The following ROBO1 variants were observed in gnomAD, a reference collection of about 807,000 sequenced individuals.
ROBO1 encodes roundabout guidance receptor 1, also known as roundabout homolog 1.
In ROBO1, 149 loss-of-function variants were observed where a neutral mutation model predicts 195.9. The ratio of observed to expected loss-of-function variants is 0.76; its 90% CI spans 0.67 to 0.87. The LOEUF (loss-of-function observed/expected upper bound fraction) is 0.87, where lower values mean the gene tolerates loss of function less well. Among genes scored for constraint, ROBO1 ranks in the 40% least tolerant of loss-of-function variants. The probability of loss-of-function intolerance (pLI) is 0.00; values close to 1 mark genes in which losing one functional copy is unlikely to be tolerated. For synonymous variants in ROBO1, 816 were observed against 733.2 expected (o/e 1.11, Z -1.82); for missense variants, 1,933 against 2,068.3 (o/e 0.93, Z 1.27).
intron 3 of ROBO1, among the ~76,000 whole-genome samples, chr3:79,118,874 A>C (rs2080062541): frequency 6.6e-6 from 1 of 152,076 alleles, no homozygotes; most frequent in Admixed American, 6.6e-5. Context: ...AAAAAAAAAA[A>C]AAAAAAATTT....
intron 2 of ROBO1, among the ~76,000 whole-genome samples, chr3:79,459,011 G>A (rs372165380): frequency 3.3e-5 from 5 of 152,022 alleles, no homozygotes; most frequent in Non-Finnish European, 5.9e-5. Context: ...CTATAAAACT[G>A]TATCCAACTT....
chr3:78,718,528 T>C (rs1470347944), intron 5 of ROBO1, among the ~76,000 whole-genome samples: 1 of 152,022 alleles, frequency 6.6e-6, no homozygotes, highest in Non-Finnish European at 1.5e-5. Context: ...TTGGGTACAC[T>C]CTTGAACATA....
intron 3 of ROBO1, among the ~76,000 whole-genome samples, chr3:78,952,714 C>G (rs558362932): frequency 4.1e-4 from 63 of 152,078 alleles, no homozygotes; most frequent in African/African-American, 1.5e-3. Flanking sequence ...AAGCTAAGTA[C>G]TTTCACCCAA....
intron 2 of ROBO1, among the ~76,000 whole-genome samples, chr3:79,286,081 T>C (rs2031866524): frequency 1.3e-5 from 2 of 152,170 alleles, no homozygotes; most frequent in Non-Finnish European, 2.9e-5. Context: ...TCCCAAAATA[T>C]AAGCAAGGCA....
At chr3:79,665,134 T>A (rs190143613) in intron 1 of ROBO1, among the ~76,000 whole-genome samples, 2 of 152,054 alleles carry the variant, frequency 1.3e-5, no homozygotes, top group East Asian at 3.9e-4. Flanking sequence ...GTTTAAAGTA[T>A]AATTATAATA....
intron 2 of ROBO1, among the ~76,000 whole-genome samples, chr3:79,589,204 C>T (rs73120813): frequency 6.6e-6 from 1 of 151,498 alleles, no homozygotes; most frequent in Non-Finnish European, 1.5e-5. Context: ...TTTTCTGCTA[C>T]CATACATTGG....
intron 1 of ROBO1, among the ~76,000 whole-genome samples, chr3:79,684,088 T>G (rs1357931113): frequency 6.6e-6 from 1 of 152,110 alleles, no homozygotes; most frequent in Non-Finnish European, 1.5e-5. Flanking sequence ...GACTCCAGTT[T>G]CTTCAGATCT....
intron 11 of ROBO1, among the ~76,000 whole-genome samples, chr3:78,669,259 T>C (rs548172557): frequency 6.6e-6 from 1 of 152,168 alleles, no homozygotes; most frequent in Non-Finnish European, 1.5e-5. Flanking sequence ...CAAGTAACAT[T>C]TGATAAAGAA....
intron 2 of ROBO1, among the ~76,000 whole-genome samples, chr3:79,285,466 A>G (rs868420804): frequency 2.8e-4 from 42 of 152,352 alleles, no homozygotes; most frequent in African/African-American, 9.6e-4. Context: ...TACACTACTC[A>G]ATCTGTGCCT....
At chr3:79,594,368 C>T (rs924450873) in intron 1 of ROBO1, among the ~76,000 whole-genome samples, 1 of 151,808 alleles carries the variant, frequency 6.6e-6, no homozygotes, top group African/African-American at 2.4e-5. Flanking sequence ...ACATAAAGTG[C>T]CTATTTTTAA....
chr3:79,088,549 A>G (rs946111504), intron 3 of ROBO1, among the ~76,000 whole-genome samples: 4 of 152,172 alleles, frequency 2.6e-5, no homozygotes, highest in African/African-American at 9.6e-5. Flanking sequence ...AGCACATTGT[A>G]AAGAGAGTAA....
intron 3 of ROBO1, among the ~76,000 whole-genome samples, chr3:78,940,330 G>C (rs555661363): frequency 6.6e-6 from 1 of 152,272 alleles, no homozygotes; most frequent in African/African-American, 2.4e-5. Flanking sequence ...TTTCACTTCA[G>C]TGTAGCCAGA....
At chr3:79,567,907 A>C (rs1205150350) in intron 2 of ROBO1, among the ~76,000 whole-genome samples, 1 of 152,158 alleles carries the variant, frequency 6.6e-6, no homozygotes, top group Non-Finnish European at 1.5e-5. Context: ...CAAATTAAGA[A>C]ATTGATCAAA....
chr3:79,213,816 C>CTTTTTTTTTTTTTTTTTTTTTTTT (rs59942369), intron 2 of ROBO1, among the ~76,000 whole-genome samples: 1 of 74,590 alleles, frequency 1.3e-5, no homozygotes, highest in Non-Finnish European at 2.7e-5. Flanking sequence ...TCTCCCCTTT[C>CTTTTTTTTTTTTTTTTTTTTTTTT]TTTTTTTTTT....
At chr3:79,298,115 TA>T (rs767260516) in intron 2 of ROBO1, among the ~76,000 whole-genome samples, 63 of 151,528 alleles carry the variant, frequency 4.2e-4, no homozygotes, top group East Asian at 1.2e-3. Context: ...GATATGGATT[TA>T]AAAAAAAATA....
intron 2 of ROBO1, among the ~76,000 whole-genome samples, chr3:79,502,644 G>C (rs531853507): frequency 2.0e-5 from 3 of 152,118 alleles, no homozygotes; most frequent in Non-Finnish European, 2.9e-5. Context: ...TCCACCTGCC[G>C]CCCCATGCGA....
At chr3:79,311,554 C>A (rs111469364) in intron 2 of ROBO1, among the ~76,000 whole-genome samples, 80 of 152,182 alleles carry the variant, frequency 5.3e-4, no homozygotes, top group Non-Finnish European at 9.9e-4. Flanking sequence ...GTTAATCATG[C>A]AGGTAAGAAG....
At chr3:79,104,872 G>C (rs536227481) in intron 3 of ROBO1, among the ~76,000 whole-genome samples, 11 of 151,908 alleles carry the variant, frequency 7.2e-5, no homozygotes, top group Middle Eastern at 6.8e-3. Flanking sequence ...TAATGTAACA[G>C]AAAAGAGAGC....
chr3:78,945,461 G>C (rs539912818), intron 3 of ROBO1, among the ~76,000 whole-genome samples: 1 of 152,262 alleles, frequency 6.6e-6, no homozygotes, highest in East Asian at 1.9e-4. Flanking sequence ...TGAGGGTCCT[G>C]TCTGTTAGAA....
Sources: gnomAD v4.1 joint callset for allele counts (sites outside exome capture counted in the v4.1 genomes callset) on GRCh38, gnomAD v4.1.1 for gene constraint, MANE v1.5 for transcripts, NCBI Gene and HGNC (gene_info 2026-07-23, HGNC 2026-07-21) for gene names.